Variants in TNR observed in about 807,000 individuals in gnomAD.
The protein encoded by TNR is tenascin R.
In TNR, 45 loss-of-function variants were observed where a neutral mutation model predicts 150.4. That is an observed-to-expected ratio of 0.30 (90% CI 0.24 to 0.38). The LOEUF (loss-of-function observed/expected upper bound fraction) is 0.38, where lower values mean the gene tolerates loss of function less well. Ranked by LOEUF, TNR falls within the 10% of genes least tolerant of loss-of-function variation. TNR has a pLI of 1.00. For missense variants in TNR, 1,544 were observed against 1,759.1 expected, an observed-to-expected ratio of 0.88 and a Z score of 2.19; for synonymous variants, 687 against 678.4, an observed-to-expected ratio of 1.01 and a Z score of -0.20.
At chr1:175,587,287 A>G (rs1339076621) in intron 1 of TNR, among the ~76,000 whole-genome samples, 1 of 152,252 alleles carries the variant, frequency 6.6e-6, no homozygotes, top group Non-Finnish European at 1.5e-5. Context: ...GAATTAAGGA[A>G]TGCAGAGTGG....
intron 1 of TNR, among the ~76,000 whole-genome samples, chr1:175,607,410 G>T (rs753503324): frequency 6.6e-6 from 1 of 152,214 alleles, no homozygotes; most frequent in Non-Finnish European, 1.5e-5. Context: ...ATCCATGGAG[G>T]TCTAATAGAG....
In TNR at chr1:175,646,027, T is replaced by C. The variant is rs992017139; in HGVS notation, c.-165+97199A>G. On this transcript the variant is annotated intron_variant, in intron 1 of 22. Transcript: ENST00000367674. Reference sequence around the variant, plus strand: ...GACAAAGATAATTTTTTCCTAATGCTCAGGTGCCAAGGCAAGGAGGTAAGT... The same window carrying C: ...GACAAAGATAATTTTTTCCTAATGCCCAGGTGCCAAGGCAAGGAGGTAAGT... 1.9e-4 allele frequency among the ~76,000 whole-genome samples: 29 copies of C among 152,294 alleles called. 1 individual carries two copies. Among genetic ancestry groups the C allele is most frequent in the Admixed American group, 1.7e-3 (26 of 15,290 alleles).
At chr1:175,544,130 T>C (rs1437604725) in intron 1 of TNR, among the ~76,000 whole-genome samples, 2 of 152,220 alleles carry the variant, frequency 1.3e-5, no homozygotes, top group African/African-American at 4.8e-5. Flanking sequence ...ACTTCAGGTA[T>C]GTGGGAGAGC....
intron 2 of TNR, among the ~76,000 whole-genome samples, chr1:175,472,330 A>C (rs887366746): frequency 6.6e-6 from 1 of 152,212 alleles, no homozygotes; most frequent in African/African-American, 2.4e-5. Flanking sequence ...GACCGGCCTG[A>C]GGCTGTTCTA....
chr1:175,502,456 C>T (rs549442056), intron 2 of TNR, among the ~76,000 whole-genome samples: 12 of 152,220 alleles, frequency 7.9e-5, no homozygotes, highest in Admixed American at 5.9e-4. Context: ...GATACAAACT[C>T]GGGGCTCCTT....
rs1343871348 is a variant in TNR, at chr1:175,335,700, G to A, written c.3631+11C>T. On this transcript the variant is annotated intron_variant, in intron 20 of 22. Coordinates refer to ENST00000367674, the MANE Select transcript of TNR (RefSeq NM_003285.3). Reference sequence around the variant, plus strand: ...GAAGCACATCAATGGAAAGCAATAAGGAGGCTTTACCCAGCCAGAACTCAT... The same window carrying A: ...GAAGCACATCAATGGAAAGCAATAAAGAGGCTTTACCCAGCCAGAACTCAT... The A allele has an allele frequency of 9.3e-6, 15 of 1,609,114 alleles. No individual in the cohort carries two copies. Among genetic ancestry groups the A allele is most frequent in the Non-Finnish European group, 1.3e-5 (15 of 1,177,608 alleles).
At chr1:175,404,757 G>T (rs1156376473) in intron 3 of TNR, among the ~76,000 whole-genome samples, 1 of 152,360 alleles carries the variant, frequency 6.6e-6, no homozygotes, top group Middle Eastern at 3.4e-3. Flanking sequence ...GAGCTGCAGA[G>T]TCCATGCTCA....
At chr1:175,661,073 C>T (rs1665354548) in intron 1 of TNR, among the ~76,000 whole-genome samples, 2 of 152,226 alleles carry the variant, frequency 1.3e-5, no homozygotes, top group Non-Finnish European at 2.9e-5. Context: ...AGTAATGTTC[C>T]ATTCCACTCT....
chr1:175,327,131 G>A (rs181898028), intron 21 of TNR, among the ~76,000 whole-genome samples: 175 of 151,998 alleles, frequency 1.2e-3, no homozygotes, highest in Non-Finnish European at 2.0e-3. Flanking sequence ...CACTCCCTGC[G>A]TCTCCCTCTG....
intron 19 of TNR, among the ~76,000 whole-genome samples, chr1:175,337,093 C>T (rs1650286412): frequency 6.6e-6 from 1 of 152,126 alleles, no homozygotes. Flanking sequence ...CAGGATTTCT[C>T]CATGTTGGCC....
chr1:175,556,860 G>A (rs36080713), intron 1 of TNR: 17,587 of 152,326 alleles, frequency 0.12, 1,341 homozygotes, highest in Non-Finnish European at 0.18. Context: ...CGCCATGAGT[G>A]TGTGTGGGAC....
At chr1:175,682,018 G>A (rs1009378123) in intron 1 of TNR, among the ~76,000 whole-genome samples, 6 of 152,104 alleles carry the variant, frequency 3.9e-5, no homozygotes, top group African/African-American at 1.4e-4. Flanking sequence ...GTGATTCTCA[G>A]TAAATGGCAC....
chr1:175,537,265 A>C lies in TNR; in HGVS notation c.-164-8896T>G, dbSNP rs375129801. On this transcript the variant is annotated intron_variant, in intron 1 of 22. Coordinates refer to ENST00000367674, the MANE Select transcript of TNR (RefSeq NM_003285.3). Reference sequence around the variant, plus strand: ...GTGAAAGAGCCAAAAATGAGGCCAAAAATGAAAGAGAAAGCTTCAGAATGA... The same window carrying C: ...GTGAAAGAGCCAAAAATGAGGCCAACAATGAAAGAGAAAGCTTCAGAATGA... Among the ~76,000 whole-genome samples the C allele has an allele frequency of 5.3e-5, 8 of 152,324 alleles. No homozygotes were observed. In the East Asian group the frequency reaches 9.6e-4, roughly 18 times the overall value.
intron 1 of TNR, among the ~76,000 whole-genome samples, chr1:175,695,476 T>C (rs1219476181): frequency 6.6e-6 from 1 of 152,204 alleles, no homozygotes; most frequent in Non-Finnish European, 1.5e-5. Flanking sequence ...TGTTTTAAGG[T>C]GCTAAATTCT....
At chr1:175,685,055 C>T (rs904356656) in intron 1 of TNR, among the ~76,000 whole-genome samples, 1 of 152,078 alleles carries the variant, frequency 6.6e-6, no homozygotes, top group African/African-American at 2.4e-5. Context: ...TATATTAGAT[C>T]TGACTCTTCA....
At chr1:175,428,713 A>T (rs924652998) in intron 2 of TNR, among the ~76,000 whole-genome samples, 3 of 152,198 alleles carry the variant, frequency 2.0e-5, no homozygotes, top group Non-Finnish European at 4.4e-5. Context: ...TTCTGACTCA[A>T]ATACAAATCT....
intron 3 of TNR, among the ~76,000 whole-genome samples, chr1:175,406,015 C>G (rs957943661): frequency 6.6e-6 from 1 of 152,176 alleles, no homozygotes; most frequent in Admixed American, 6.5e-5. Context: ...CGGGGAAGAA[C>G]TGCATTTAGA....
At chr1:175,420,366 C>T (rs1211405806) in intron 2 of TNR, among the ~76,000 whole-genome samples, 1 of 152,152 alleles carries the variant, frequency 6.6e-6, no homozygotes, top group Non-Finnish European at 1.5e-5. Flanking sequence ...AGTCAAATGC[C>T]AAAGTGATAC....
At chr1:175,562,801 A>C (rs571850872) in intron 1 of TNR, among the ~76,000 whole-genome samples, 13 of 152,340 alleles carry the variant, frequency 8.5e-5, no homozygotes, top group African/African-American at 2.9e-4. Flanking sequence ...TGTCATGAGC[A>C]GTCCATTTTG....
Sources: allele counts gnomAD v4.1 joint callset (sites outside exome capture counted in the v4.1 genomes callset), GRCh38; gene constraint gnomAD v4.1.1; transcripts MANE v1.5; gene names NCBI Gene and HGNC (gene_info 2026-07-23, HGNC 2026-07-21).